Variants in UNC80 observed in about 807,000 individuals in gnomAD.
UNC80 encodes the protein unc-80 subunit of NALCN channel complex.
Under a neutral mutation model 384.6 loss-of-function variants are expected in UNC80, and 164 were observed. That is an observed-to-expected ratio of 0.43 (90% CI 0.38 to 0.49). The LOEUF is 0.49. Ranked by LOEUF, UNC80 falls within the 20% of genes least tolerant of loss-of-function variation. The probability of loss-of-function intolerance (pLI) is 0.00; values close to 1 mark genes in which losing one functional copy is unlikely to be tolerated. For synonymous variants in UNC80, 1,486 were observed against 1,527.8 expected (o/e 0.97, Z 0.64); for missense variants, 3,330 against 4,143.0 (o/e 0.80, Z 5.39).
At chr2:209,915,043 G>A (rs1211872746) in intron 31 of UNC80, among the ~76,000 whole-genome samples, 1 of 152,076 alleles carries the variant, frequency 6.6e-6, no homozygotes, top group Admixed American at 6.6e-5. Flanking sequence ...TTCAGGGAAT[G>A]GCACACTCCC....
intron 38 of UNC80, among the ~76,000 whole-genome samples, chr2:209,932,703 A>G (rs772518333): frequency 2.0e-5 from 3 of 152,210 alleles, no homozygotes; most frequent in South Asian, 2.1e-4. Context: ...CATCTCAACC[A>G]TTATTCTAGT....
chr2:209,832,683 A>T (rs1039471186), intron 16 of UNC80, among the ~76,000 whole-genome samples: 1 of 152,238 alleles, frequency 6.6e-6, no homozygotes, highest in African/African-American at 2.4e-5. Context: ...CCATCCATGC[A>T]TACAATTTGG....
chr2:209,923,635 T>C (rs2090211333), intron 35 of UNC80, among the ~76,000 whole-genome samples: 1 of 152,192 alleles, frequency 6.6e-6, no homozygotes, highest in Non-Finnish European at 1.5e-5. Flanking sequence ...TGTTGTGTCT[T>C]TCTCATTGAT....
intron 54 of UNC80, among the ~76,000 whole-genome samples, chr2:209,971,326 A>C (rs1311170682): frequency 6.6e-6 from 1 of 152,170 alleles, no homozygotes; most frequent in Non-Finnish European, 1.5e-5. Context: ...GCAATATAAA[A>C]TTCTTTCAAA....
At chr2:209,943,255 C>T in intron 44 of UNC80, 125 bp from the exon 45 acceptor site, 1 of 1,228,682 alleles carries the variant, frequency 8.1e-7, no homozygotes, top group East Asian at 2.6e-5. Context: ...ATTTTACATT[C>T]CTCTCTACCA....
intron 61 of UNC80, among the ~76,000 whole-genome samples, chr2:209,991,285 A>G (rs750502315): frequency 7.2e-5 from 11 of 152,312 alleles, no homozygotes; most frequent in Non-Finnish European, 1.6e-4. Flanking sequence ...CAGAATTGTA[A>G]TATTCTCTGG....
intron 61 of UNC80, among the ~76,000 whole-genome samples, chr2:209,987,163 A>T (rs2125027741): frequency 6.6e-6 from 1 of 152,340 alleles, no homozygotes; most frequent in South Asian, 2.1e-4. Flanking sequence ...TTGCATGAGA[A>T]TTTCCTTTTG....
intron 52 of UNC80, chr2:209,968,945 GACCTGCATATT>G (rs770449850): frequency 1.3e-5 from 2 of 152,162 alleles, no homozygotes; most frequent in Non-Finnish European, 2.9e-5. Flanking sequence ...GACTGAACCT[GACCTGCATATT>G]ACCTTCAGTG....
At chr2:209,924,683 A>C (rs2090291819) in intron 35 of UNC80, among the ~76,000 whole-genome samples, 1 of 152,092 alleles carries the variant, frequency 6.6e-6, no homozygotes. Context: ...CTCATTCTCC[A>C]GATTTGCCTT....
At chr2:209,991,608 T>TA (rs1408734027) in intron 61 of UNC80, among the ~76,000 whole-genome samples, 2 of 152,152 alleles carry the variant, frequency 1.3e-5, no homozygotes, top group Non-Finnish European at 2.9e-5. Context: ...AAACCATTTT[T>TA]AAAAAAACAT....
intron 21 of UNC80, chr2:209,844,960 T>TC (rs1275776281): frequency 6.6e-6 from 1 of 151,932 alleles, no homozygotes; most frequent in Non-Finnish European, 1.5e-5. Context: ...GTGTATATCC[T>TC]CCAAAAATTT....
chr2:209,940,426 G>C (rs1381524390), intron 43 of UNC80, among the ~76,000 whole-genome samples: 1 of 152,210 alleles, frequency 6.6e-6, no homozygotes, highest in Non-Finnish European at 1.5e-5. Context: ...GACACAGAAG[G>C]AGACCCACTT....
chr2:209,850,884 C>G (rs1403419120), intron 22 of UNC80, among the ~76,000 whole-genome samples: 1 of 151,846 alleles, frequency 6.6e-6, no homozygotes, highest in African/African-American at 2.4e-5. Context: ...GGAGCCAATC[C>G]CCTGTTTTCT....
chr2:209,946,789 C>A (rs1305400982), intron 47 of UNC80, among the ~76,000 whole-genome samples: 1 of 152,114 alleles, frequency 6.6e-6, no homozygotes, highest in Non-Finnish European at 1.5e-5. Context: ...CAAGCTCTTC[C>A]AGGAAGAAGG....
At chr2:209,945,588 T>A (rs1363735572) in intron 46 of UNC80, among the ~76,000 whole-genome samples, 2 of 152,196 alleles carry the variant, frequency 1.3e-5, no homozygotes, top group East Asian at 3.8e-4. Flanking sequence ...TTAAATGCCC[T>A]TCAGTGTCTT....
intron 52 of UNC80, 101 bp from the exon 53 acceptor site, chr2:209,969,667 A>G (rs1238554900): frequency 1.4e-6 from 2 of 1,452,550 alleles, no homozygotes; most frequent in Non-Finnish European, 1.8e-6. Context: ...TCCCAGAGAC[A>G]CATCCTGTCT....
At chr2:209,808,603 A>AGCGT (rs1456649661) in intron 7 of UNC80, among the ~76,000 whole-genome samples, 4 of 151,470 alleles carry the variant, frequency 2.6e-5, no homozygotes, top group African/African-American at 7.3e-5. Context: ...ACTTGCTCAG[A>AGCGT]GCGTGGCCTT....
intron 22 of UNC80, among the ~76,000 whole-genome samples, chr2:209,867,575 A>T (rs533462924): frequency 1.3e-5 from 2 of 151,954 alleles, no homozygotes; most frequent in South Asian, 4.2e-4. Context: ...TTTGGGGCAG[A>T]TTTTTTCTTA....
chr2:209,785,725 C>A (rs1332685299), intron 4 of UNC80, among the ~76,000 whole-genome samples: 2 of 152,048 alleles, frequency 1.3e-5, no homozygotes, highest in Admixed American at 1.3e-4. Flanking sequence ...TAATAATAAC[C>A]AAAGTGAAGA....
Sources: allele counts gnomAD v4.1 joint callset (sites outside exome capture counted in the v4.1 genomes callset), GRCh38; gene constraint gnomAD v4.1.1; transcripts MANE v1.5; gene names NCBI Gene and HGNC (gene_info 2026-07-23, HGNC 2026-07-21).